The following LRRC7 variants were observed in gnomAD, a reference collection of about 807,000 sequenced individuals.
The protein encoded by LRRC7 is leucine-rich repeat-containing protein 7.
Under a neutral mutation model 175.7 loss-of-function variants are expected in LRRC7, and 23 were observed. The observed-to-expected ratio is 0.13, with a 90% confidence interval of 0.09 to 0.19. LRRC7 has a LOEUF of 0.19. LRRC7 is among the 10% of genes least tolerant of loss of function. The pLI, the probability that LRRC7 is intolerant of heterozygous loss-of-function variation, is 1.00. For missense variants in LRRC7, 1,354 were observed against 1,904.7 expected (o/e 0.71, Z 5.38); for synonymous variants, 685 against 680.9 (o/e 1.01, Z -0.09).
chr1:69,986,123 A>G (rs1653917380), intron 9 of LRRC7, 119 bp from the exon 10 acceptor site: 7 of 913,274 alleles, frequency 7.7e-6, no homozygotes, highest in Non-Finnish European at 1.1e-5. Context: ...ATTCTTGCCA[A>G]CACTTGTTAT....
At chr1:69,812,792 A>C (rs1441391215) in intron 4 of LRRC7, among the ~76,000 whole-genome samples, 3 of 152,288 alleles carry the variant, frequency 2.0e-5, no homozygotes, top group African/African-American at 7.2e-5. Context: ...AAAAATTTAT[A>C]AGAAACAATT....
At chr1:69,764,466 G>A (rs373353101) in intron 3 of LRRC7, among the ~76,000 whole-genome samples, 6 of 152,058 alleles carry the variant, frequency 3.9e-5, no homozygotes, top group African/African-American at 1.4e-4. Context: ...TTAGCTACAT[G>A]TAAAAGAGAT....
chr1:70,072,052 G>C (rs1180242284), intron 23 of LRRC7, among the ~76,000 whole-genome samples: 2 of 152,082 alleles, frequency 1.3e-5, no homozygotes, highest in Non-Finnish European at 2.9e-5. Context: ...ATTTTCTTGA[G>C]TCTTATAGAT....
chr1:69,971,778 A>T (rs1652260120), intron 8 of LRRC7, among the ~76,000 whole-genome samples: 1 of 152,168 alleles, frequency 6.6e-6, no homozygotes, highest in African/African-American at 2.4e-5. Flanking sequence ...CAATCCTAAA[A>T]TTCATATGGA....
chr1:69,689,286 A>G (rs1196210629), intron 2 of LRRC7, among the ~76,000 whole-genome samples: 1 of 152,154 alleles, frequency 6.6e-6, no homozygotes, highest in Non-Finnish European at 1.5e-5. Context: ...AGGTTCAGTA[A>G]TTTATGCAAC....
chr1:69,957,964 T>C (rs959369315), intron 8 of LRRC7, among the ~76,000 whole-genome samples: 4 of 151,964 alleles, frequency 2.6e-5, no homozygotes, highest in African/African-American at 9.7e-5. Context: ...TAATAGAATG[T>C]GATGCAAGTA....
chr1:69,989,720 T>A (rs773467202), intron 10 of LRRC7, among the ~76,000 whole-genome samples: 7 of 152,060 alleles, frequency 4.6e-5, no homozygotes, highest in Non-Finnish European at 8.8e-5. Context: ...GAGGAACTAT[T>A]CAAAGAGAAA....
chr1:69,874,613 T>C (rs978907521), intron 7 of LRRC7: 4 of 152,116 alleles, frequency 2.6e-5, no homozygotes, highest in Non-Finnish European at 4.4e-5. Context: ...TTCATTTTAC[T>C]GCCTAGGAAA....
intron 2 of LRRC7, among the ~76,000 whole-genome samples, chr1:69,738,948 A>C (rs1668416803): frequency 6.6e-6 from 1 of 152,102 alleles, no homozygotes; most frequent in African/African-American, 2.4e-5. Flanking sequence ...GAAACCCCTT[A>C]AAGAGGAAAA....
chr1:69,955,518 G>A (rs2101832274), intron 8 of LRRC7, among the ~76,000 whole-genome samples: 1 of 152,034 alleles, frequency 6.6e-6, no homozygotes, highest in Non-Finnish European at 1.5e-5. Flanking sequence ...TGGAAAGGCA[G>A]GTGGCTAGGG....
intron 8 of LRRC7, among the ~76,000 whole-genome samples, chr1:69,972,634 A>T (rs1652358981): frequency 6.6e-6 from 1 of 152,164 alleles, no homozygotes; most frequent in Admixed American, 6.5e-5. Flanking sequence ...GTTAGCCTGG[A>T]TACAGTGAAA....
At chr1:70,065,755 G>A (rs1049285435) in intron 23 of LRRC7, among the ~76,000 whole-genome samples, 1 of 151,906 alleles carries the variant, frequency 6.6e-6, no homozygotes, top group African/African-American at 2.4e-5. Context: ...GTATCATCTT[G>A]ACTTATGGCA....
rs559096240 is a variant in LRRC7 at position 69,954,140 on chromosome 1, C to T, written c.711+22570C>T. Among the ~76,000 whole-genome samples the T allele has an allele frequency of 1.9e-4, 29 of 151,918 alleles. No individual in the cohort carries two copies. The South Asian group carries it at 5.4e-3, about 28-fold the overall frequency. On this transcript the variant is annotated intron_variant, in intron 8 of 26. Transcript: ENST00000651989. ...TAATGAAGATAAGCTTTCCGTAAGG[C>T]GCAGAATTTTTTGAGCCTTGAAAAA...
At chr1:69,911,418 A>G (rs1401397606) in intron 7 of LRRC7, among the ~76,000 whole-genome samples, 1 of 152,158 alleles carries the variant, frequency 6.6e-6, no homozygotes, top group Non-Finnish European at 1.5e-5. Flanking sequence ...TTCCCCATCA[A>G]CAGTGTTTAA....
intron 7 of LRRC7, among the ~76,000 whole-genome samples, chr1:69,856,022 T>C (rs1290050046): frequency 6.6e-6 from 1 of 152,162 alleles, no homozygotes; most frequent in Admixed American, 6.6e-5. Flanking sequence ...TGTGTGTCTC[T>C]GCATGTGGGA....
intron 2 of LRRC7, among the ~76,000 whole-genome samples, chr1:69,717,645 T>C (rs1029095792): frequency 2.0e-5 from 3 of 151,174 alleles, no homozygotes; most frequent in Non-Finnish European, 4.4e-5. Context: ...CAACTTCATA[T>C]TGAGGGAGGG....
At chr1:69,600,880 C>T (rs1476266799) in intron 1 of LRRC7, among the ~76,000 whole-genome samples, 1 of 135,658 alleles carries the variant, frequency 7.4e-6, no homozygotes, top group East Asian at 2.4e-4. Context: ...CGCACGCTCT[C>T]GGCTCACTCC....
At chr1:69,702,448 G>A (rs1570422682) in intron 2 of LRRC7, among the ~76,000 whole-genome samples, 1 of 152,182 alleles carries the variant, frequency 6.6e-6, no homozygotes, top group East Asian at 1.9e-4. Flanking sequence ...ATCCATGGTA[G>A]AACAATCGTT....
chr1:69,903,673 G>T (rs1646206973), intron 7 of LRRC7, among the ~76,000 whole-genome samples: 1 of 152,116 alleles, frequency 6.6e-6, no homozygotes, highest in African/African-American at 2.4e-5. Flanking sequence ...AGAATTGAAG[G>T]AGATAGAGAC....
Sources: allele counts gnomAD v4.1 joint callset (sites outside exome capture counted in the v4.1 genomes callset), GRCh38; gene constraint gnomAD v4.1.1; transcripts MANE v1.5; gene names NCBI Gene and HGNC (gene_info 2026-07-23, HGNC 2026-07-21).